ZBTB5: variants seen among roughly 807,000 people sequenced by gnomAD.
ZBTB5 encodes the protein zinc finger and BTB domain containing 5.
Under a neutral mutation model 37.9 loss-of-function variants are expected in ZBTB5, and 15 were observed. That is an observed-to-expected ratio of 0.40 (90% CI 0.26 to 0.61). The LOEUF (loss-of-function observed/expected upper bound fraction) is 0.61, where lower values mean the gene tolerates loss of function less well. ZBTB5 is among the 20% of genes least tolerant of loss of function. The pLI, the probability that ZBTB5 is intolerant of heterozygous loss-of-function variation, is 0.47. For synonymous variants in ZBTB5, 315 were observed against 312.4 expected (o/e 1.01, Z -0.09); for missense variants, 708 against 856.8 (o/e 0.83, Z 2.17).
intron 1 of ZBTB5, among the ~76,000 whole-genome samples, chr9:37,461,774 G>A (rs1824297589): frequency 6.6e-6 from 1 of 152,028 alleles, no homozygotes; most frequent in Non-Finnish European, 1.5e-5. Context: ...TTGTAAACCT[G>A]TTACCATACA....
chr9:37,455,292 G>A (rs560900197), intron 1 of ZBTB5, among the ~76,000 whole-genome samples: 9 of 152,186 alleles, frequency 5.9e-5, no homozygotes, highest in Non-Finnish European at 8.8e-5. Flanking sequence ...CAGGACAGCC[G>A]AACTCCAGGG....
chr9:37,438,672 C>T lies in ZBTB5; in HGVS notation c.*1846G>A, dbSNP rs1225413498. The T allele has an allele frequency of 6.6e-6, 1 of 152,300 alleles. No individual in the cohort carries two copies. Among genetic ancestry groups the T allele is most frequent in the Non-Finnish European group, 1.5e-5 (1 of 68,118 alleles). 9.4% of individuals were successfully genotyped at this position (152,300 alleles called of 1,614,324 possible). On this transcript the variant is annotated 3_prime_UTR_variant, in exon 2 of 2. Coordinates refer to ENST00000307750, the MANE Select transcript of ZBTB5 (RefSeq NM_014872.3). ...GGCCTCTCATTTTCTCCAGGCTAAC[C>T]CACTGTGTCCCAAGGTTAATCTCAC...
chr9:37,445,059 CAAG>C (rs1034646862), intron 1 of ZBTB5, among the ~76,000 whole-genome samples: 11 of 145,546 alleles, frequency 7.6e-5, no homozygotes, highest in African/African-American at 2.0e-4. Context: ...TTAAAAAAAA[CAAG>C]AAGTTTTTAA....
At chr9:37,454,627 T>C (rs1288934701) in intron 1 of ZBTB5, among the ~76,000 whole-genome samples, 7 of 152,246 alleles carry the variant, frequency 4.6e-5, no homozygotes, top group Admixed American at 4.6e-4. Context: ...TCTCAATAGA[T>C]TTACTTTTCT....
intron 1 of ZBTB5, among the ~76,000 whole-genome samples, chr9:37,449,154 G>A (rs1824051286): frequency 6.6e-6 from 1 of 152,214 alleles, no homozygotes; most frequent in South Asian, 2.1e-4. Flanking sequence ...GGAGGCCTAG[G>A]TGGGAGGATC....
chr9:37,457,311 T>A (rs779734406), intron 1 of ZBTB5, among the ~76,000 whole-genome samples: 1 of 152,248 alleles, frequency 6.6e-6, no homozygotes, highest in Non-Finnish European at 1.5e-5. Flanking sequence ...CACAGCTCAC[T>A]GTAGCCTCCA....
At chr9:37,443,643 A>T (rs1285983980) in intron 1 of ZBTB5, among the ~76,000 whole-genome samples, 2 of 152,190 alleles carry the variant, frequency 1.3e-5, no homozygotes, top group Non-Finnish European at 2.9e-5. Context: ...AAAAACAAAA[A>T]AACACCAGGA....
chr9:37,464,275 A>T (rs1189392351), intron 1 of ZBTB5, among the ~76,000 whole-genome samples: 2 of 152,242 alleles, frequency 1.3e-5, no homozygotes, highest in African/African-American at 4.8e-5. Flanking sequence ...TCCTCTACTT[A>T]ATACAAGTGA....
chr9:37,453,689 G>A (rs747177412), intron 1 of ZBTB5, among the ~76,000 whole-genome samples: 6 of 152,130 alleles, frequency 3.9e-5, no homozygotes, highest in Admixed American at 6.5e-5. Context: ...ACCAGGAGAC[G>A]GAGGATCCAG....
At chr9:37,449,504 C>T (rs1016393560) in intron 1 of ZBTB5, among the ~76,000 whole-genome samples, 16 of 152,036 alleles carry the variant, frequency 1.1e-4, no homozygotes, top group Non-Finnish European at 4.4e-5. Flanking sequence ...TTGCGACCAG[C>T]TTGGCCAACA....
chr9:37,450,219 C>T (rs1177547751), intron 1 of ZBTB5, among the ~76,000 whole-genome samples: 2 of 152,016 alleles, frequency 1.3e-5, no homozygotes, highest in Non-Finnish European at 2.9e-5. Flanking sequence ...CCTATTAAAC[C>T]TCCATTCCTA....
intron 1 of ZBTB5, among the ~76,000 whole-genome samples, chr9:37,450,111 C>A (rs1824074882): frequency 6.6e-6 from 1 of 152,168 alleles, no homozygotes; most frequent in Non-Finnish European, 1.5e-5. Context: ...CCTATAAAAT[C>A]TGGCAAATTC....
chr9:37,447,348 A>C (rs1000722403), intron 1 of ZBTB5, among the ~76,000 whole-genome samples: 1 of 152,224 alleles, frequency 6.6e-6, no homozygotes, highest in African/African-American at 2.4e-5. Context: ...TGGGGATTCA[A>C]TTTGAGATGA....
At chr9:37,455,343 T>A (rs987410239) in intron 1 of ZBTB5, among the ~76,000 whole-genome samples, 1 of 152,052 alleles carries the variant, frequency 6.6e-6, no homozygotes, top group East Asian at 1.9e-4. Context: ...CAGCTCCCCA[T>A]CCATCCCACT....
chr9:37,438,719 T>C lies in ZBTB5; in HGVS notation c.*1799A>G, dbSNP rs1158064626. 1 of 152,252 alleles carries C rather than the reference T, an allele frequency of 6.6e-6. No homozygotes were observed. The highest frequency in any genetic ancestry group is 1.5e-5 in the Non-Finnish European group (1 of 68,056). 9.4% of individuals were successfully genotyped at this position (152,252 alleles called of 1,614,324 possible). ...TCACAAGACACTGGTCCCTACATCATGTAAAGGGTGGATGGGGAGCCTCCT... is the reference window on the plus strand; with the variant it reads ...TCACAAGACACTGGTCCCTACATCACGTAAAGGGTGGATGGGGAGCCTCCT... On this transcript the variant is annotated 3_prime_UTR_variant, in exon 2 of 2. Coordinates refer to ENST00000307750, the MANE Select transcript of ZBTB5 (RefSeq NM_014872.3).
At chr9:37,458,964 G>A (rs1030502930) in intron 1 of ZBTB5, among the ~76,000 whole-genome samples, 1 of 152,138 alleles carries the variant, frequency 6.6e-6, no homozygotes, top group African/African-American at 2.4e-5. Flanking sequence ...TACAGTATCA[G>A]AGTAAGAATA....
chr9:37,455,930 G>A (rs544249036), intron 1 of ZBTB5, among the ~76,000 whole-genome samples: 94 of 151,220 alleles, frequency 6.2e-4, no homozygotes, highest in African/African-American at 2.1e-3. Flanking sequence ...CACAGGCTCC[G>A]GAAGTGCAGG....
intron 1 of ZBTB5, among the ~76,000 whole-genome samples, chr9:37,461,047 CTCAA>C (rs1263571453): frequency 1.3e-5 from 2 of 152,206 alleles, no homozygotes; most frequent in African/African-American, 4.8e-5. Context: ...GCCTTCACTT[CTCAA>C]TCATTTATCA....
intron 1 of ZBTB5, among the ~76,000 whole-genome samples, chr9:37,451,621 G>A (rs911408903): frequency 6.7e-6 from 1 of 149,066 alleles, no homozygotes; most frequent in South Asian, 2.1e-4. Context: ...CTTTTGGTAA[G>A]ATGATAAATG....
Sources: allele counts gnomAD v4.1 joint callset (sites outside exome capture counted in the v4.1 genomes callset), GRCh38; gene constraint gnomAD v4.1.1; transcripts MANE v1.5; gene names NCBI Gene and HGNC (gene_info 2026-07-23, HGNC 2026-07-21).